Variants in HDAC9 observed in about 807,000 individuals in gnomAD.
HDAC9 encodes the protein MEF-2 interacting transcription repressor (MITR) protein.
Under a neutral mutation model 139.4 loss-of-function variants are expected in HDAC9, and 41 were observed. The observed-to-expected ratio is 0.29, with a 90% CI of 0.23 to 0.38. The LOEUF (loss-of-function observed/expected upper bound fraction) is 0.38. Among genes scored for constraint, HDAC9 ranks in the 10% least tolerant of loss-of-function variants. The probability of loss-of-function intolerance (pLI) is 1.00; values close to 1 mark genes in which losing one functional copy is unlikely to be tolerated. For synonymous variants in HDAC9, 517 were observed against 476.2 expected (o/e 1.09, Z -1.12); for missense variants, 1,147 against 1,297.0 (o/e 0.88, Z 1.78).
chr7:18,253,281 A>G (rs181713028), intron 2 of HDAC9, among the ~76,000 whole-genome samples: 159 of 152,206 alleles, frequency 1.0e-3, no homozygotes, highest in Admixed American at 2.4e-3. Flanking sequence ...TAATGGGATT[A>G]TTGGGTTGAA....
chr7:18,652,031 A>T (rs1293111399), intron 11 of HDAC9, among the ~76,000 whole-genome samples: 1 of 152,168 alleles, frequency 6.6e-6, no homozygotes, highest in African/African-American at 2.4e-5. Context: ...AAAGAAATCA[A>T]GGCTTACAAC....
intron 2 of HDAC9, among the ~76,000 whole-genome samples, chr7:18,566,193 A>G (rs1465191696): frequency 6.6e-6 from 1 of 152,246 alleles, no homozygotes; most frequent in Admixed American, 6.5e-5. Flanking sequence ...TATTATGGAA[A>G]GTTAGAGGAG....
chr7:18,374,268 G>A (rs1784818394), intron 1 of HDAC9, among the ~76,000 whole-genome samples: 1 of 151,502 alleles, frequency 6.6e-6, no homozygotes, highest in Non-Finnish European at 1.5e-5. Context: ...TATATGTAGT[G>A]TAGGTGTAGG....
chr7:18,430,446 A>G (rs1396865154), intron 1 of HDAC9: 1 of 152,104 alleles, frequency 6.6e-6, no homozygotes, highest in African/African-American at 2.4e-5. Context: ...CTGGTGTCAA[A>G]CTCCTGGCTT....
At chr7:18,310,624 A>T (rs1396475087) in intron 1 of HDAC9, among the ~76,000 whole-genome samples, 1 of 152,194 alleles carries the variant, frequency 6.6e-6, no homozygotes, top group African/African-American at 2.4e-5. Context: ...TAGAGTTGGG[A>T]ATATCCCAAC....
intron 2 of HDAC9, among the ~76,000 whole-genome samples, chr7:18,519,836 G>A (rs1804447308): frequency 6.6e-6 from 1 of 151,972 alleles, no homozygotes; most frequent in Non-Finnish European, 1.5e-5. Context: ...GAAAACTGAG[G>A]GCAATCTAAC....
At chr7:18,191,550 C>G (rs985844747) in intron 2 of HDAC9, among the ~76,000 whole-genome samples, 2 of 152,136 alleles carry the variant, frequency 1.3e-5, no homozygotes, top group Non-Finnish European at 2.9e-5. Context: ...ACGATAAACA[C>G]ACATGGCACA....
intron 21 of HDAC9, among the ~76,000 whole-genome samples, chr7:18,869,406 C>A (rs1045413940): frequency 6.6e-6 from 1 of 152,008 alleles, no homozygotes; most frequent in Non-Finnish European, 1.5e-5. Context: ...GCACCTCCTT[C>A]TTCTCTCTCT....
intron 22 of HDAC9, among the ~76,000 whole-genome samples, chr7:18,883,187 GAATA>G (rs1196075464): frequency 3.3e-5 from 5 of 152,074 alleles, no homozygotes; most frequent in Admixed American, 1.3e-4. Flanking sequence ...TGCCAATGCA[GAATA>G]AATAGTCCAG....
chr7:18,189,909 A>G (rs1422984252), intron 2 of HDAC9, among the ~76,000 whole-genome samples: 2 of 139,768 alleles, frequency 1.4e-5, no homozygotes, highest in Non-Finnish European at 3.0e-5. Flanking sequence ...ACTTGTAAAT[A>G]ACTTGTGTGT....
intron 16 of HDAC9, among the ~76,000 whole-genome samples, chr7:18,777,534 G>A (rs1468186702): frequency 6.6e-6 from 1 of 151,876 alleles, no homozygotes; most frequent in Non-Finnish European, 1.5e-5. Context: ...TATATGCCCA[G>A]TTTCGTGTTG....
chr7:18,506,593 C>G (rs1799839131), intron 2 of HDAC9, among the ~76,000 whole-genome samples: 2 of 150,642 alleles, frequency 1.3e-5, no homozygotes, highest in South Asian at 2.1e-4. Context: ...TCCCATGAAG[C>G]TTGGGTTTAA....
chr7:18,208,412 A>G lies in HDAC9; in HGVS notation c.25+46063A>G, dbSNP rs185149486. ...TTTTGAGACAGGGTCTCTCTTTGTCATCCAGGCTGGAGTACAGTGGCATGA... is the reference window on the plus strand; with the variant it reads ...TTTTGAGACAGGGTCTCTCTTTGTCGTCCAGGCTGGAGTACAGTGGCATGA... On this transcript the variant is annotated intron_variant, in intron 2 of 12. Transcript: ENST00000417496. 2.1e-3 allele frequency among the ~76,000 whole-genome samples: 281 copies of G among 132,396 alleles called. 4 individuals are homozygous for G. The highest frequency in any genetic ancestry group is 7.8e-3 in the African/African-American group (267 of 34,440). 86.9% of individuals were successfully genotyped at this position (132,396 alleles called of 152,430 possible). A position where few individuals can be genotyped will look rare whatever the true frequency, so the allele number is the denominator to read the frequency against.
upstream of HDAC9, among the ~76,000 whole-genome samples, chr7:18,491,188 A>G (rs1796338296): frequency 6.6e-6 from 1 of 151,982 alleles, no homozygotes; most frequent in East Asian, 1.9e-4. Flanking sequence ...AAAGATGAAA[A>G]TATAATTCTG....
At chr7:18,899,846 T>G (rs906348200) in intron 22 of HDAC9, among the ~76,000 whole-genome samples, 2 of 152,004 alleles carry the variant, frequency 1.3e-5, no homozygotes, top group African/African-American at 4.8e-5. Flanking sequence ...ACCTGTAATA[T>G]AAAAAAATTA....
intron 2 of HDAC9, among the ~76,000 whole-genome samples, chr7:18,173,311 C>A (rs1584458426): frequency 6.6e-6 from 1 of 152,288 alleles, no homozygotes; most frequent in African/African-American, 2.4e-5. Context: ...CTTGGTAGAT[C>A]TTCCTCCATC....
Position 18,976,090 on chromosome 7 carries a change from C to T in HDAC9, c.3170+137C>T. ...CCTGTCCTCTCCAAAGCCACAGATG[C>T]CACAGCACATGCTTTAGGCTATCGA... On this transcript the variant is annotated intron_variant, in intron 25 of 25. Coordinates refer to ENST00000686413, the MANE Select transcript of HDAC9 (RefSeq NM_178425.4). 4 of 776,926 alleles carry T rather than the reference C, an allele frequency of 5.1e-6. No homozygotes were observed. In the East Asian group the frequency reaches 1.1e-4, roughly 21 times the overall value. The allele number at this position is 776,926 out of a possible 1,614,324, so 48.1% of individuals were successfully genotyped here.
intron 21 of HDAC9, among the ~76,000 whole-genome samples, chr7:18,867,717 G>T (rs1798600974): frequency 6.6e-6 from 1 of 151,958 alleles, no homozygotes; most frequent in Admixed American, 6.6e-5. Flanking sequence ...AGTATTTTTA[G>T]TTCCGAAAAA....
intron 2 of HDAC9, among the ~76,000 whole-genome samples, chr7:18,556,527 T>C (rs1487780537): frequency 6.6e-6 from 1 of 152,058 alleles, no homozygotes. Flanking sequence ...TCAAAGCGTC[T>C]TTACTATCTA....
Sources: gnomAD v4.1 joint callset for allele counts (sites outside exome capture counted in the v4.1 genomes callset) on GRCh38, gnomAD v4.1.1 for gene constraint, MANE v1.5 for transcripts, NCBI Gene and HGNC (gene_info 2026-07-23, HGNC 2026-07-21) for gene names.